OPCML: variants seen among roughly 807,000 people sequenced by gnomAD.
OPCML encodes opioid-binding protein/cell adhesion molecule.
OPCML carries 13 observed loss-of-function variants against 37.8 expected under a neutral mutation model. The observed-to-expected ratio is 0.34, with a 90% CI of 0.22 to 0.55. OPCML has a LOEUF of 0.55. Among genes scored for constraint, OPCML ranks in the 20% least tolerant of loss-of-function variants. The pLI, the probability that OPCML is intolerant of heterozygous loss-of-function variation, is 0.91. For missense variants in OPCML, 341 were observed against 435.6 expected (o/e 0.78, Z 1.93); for synonymous variants, 176 against 168.8 (o/e 1.04, Z -0.33).
intron 1 of OPCML, among the ~76,000 whole-genome samples, chr11:132,979,202 G>T (rs537746856): frequency 6.6e-6 from 1 of 152,054 alleles, no homozygotes; most frequent in African/African-American, 2.4e-5. Context: ...GGATCACTCC[G>T]CACTTTCTGC....
At chr11:132,792,089 A>G (rs1937954211) in intron 2 of OPCML, among the ~76,000 whole-genome samples, 1 of 152,240 alleles carries the variant, frequency 6.6e-6, no homozygotes, top group African/African-American at 2.4e-5. Context: ...ATAAAAGTAC[A>G]ATGGGAGGAA....
intron 4 of OPCML, among the ~76,000 whole-genome samples, chr11:132,514,953 G>C (rs2096276558): frequency 6.6e-6 from 1 of 152,146 alleles, no homozygotes; most frequent in Non-Finnish European, 1.5e-5. Context: ...TGTAATTACT[G>C]CACCAGGCTC....
chr11:132,494,711 G>T (rs2096225908), intron 4 of OPCML, among the ~76,000 whole-genome samples: 1 of 152,134 alleles, frequency 6.6e-6, no homozygotes, highest in African/African-American at 2.4e-5. Flanking sequence ...CTGTAAGAGG[G>T]TGCCAAACAA....
At chr11:132,729,793 T>C (rs1345175138) in intron 2 of OPCML, among the ~76,000 whole-genome samples, 5 of 152,114 alleles carry the variant, frequency 3.3e-5, no homozygotes. Context: ...GTGAGAACAG[T>C]TGTCAGGAGA....
chr11:133,164,068 T>A (rs373916360), intron 1 of OPCML, among the ~76,000 whole-genome samples: 1 of 152,228 alleles, frequency 6.6e-6, no homozygotes, highest in Non-Finnish European at 1.5e-5. Context: ...GGGCAGGGCT[T>A]TGAAGCCACC....
chr11:133,359,153 T>C (rs1029713479), intron 1 of OPCML, among the ~76,000 whole-genome samples: 17 of 152,228 alleles, frequency 1.1e-4, no homozygotes, highest in Admixed American at 1.1e-3. Context: ...TCGCTTGCTA[T>C]TCCCTATAAA....
intron 1 of OPCML, among the ~76,000 whole-genome samples, chr11:133,082,869 C>A (rs1948756138): frequency 6.7e-6 from 1 of 150,064 alleles, no homozygotes; most frequent in African/African-American, 2.4e-5. Context: ...CCCCTCCGAG[C>A]CGACCTCGTC....
intron 2 of OPCML, among the ~76,000 whole-genome samples, chr11:132,674,701 T>C (rs532081740): frequency 1.2e-3 from 176 of 152,274 alleles, no homozygotes; most frequent in Non-Finnish European, 1.8e-3. Flanking sequence ...TCACATTATA[T>C]AAGTGATTCA....
At chr11:132,582,615 T>C (rs1205543287) in intron 3 of OPCML, among the ~76,000 whole-genome samples, 1 of 152,054 alleles carries the variant, frequency 6.6e-6, no homozygotes, top group Admixed American at 6.6e-5. Flanking sequence ...AAAGATAAGA[T>C]ACAAGAAAAT....
intron 1 of OPCML, among the ~76,000 whole-genome samples, chr11:132,983,870 A>G (rs1399991822): frequency 6.6e-6 from 1 of 152,220 alleles, no homozygotes; most frequent in Non-Finnish European, 1.5e-5. Context: ...GAAGAAAAAC[A>G]AAGAAAGAGA....
chr11:132,942,355 G>A (rs1354080271), intron 2 of OPCML, among the ~76,000 whole-genome samples: 1 of 152,170 alleles, frequency 6.6e-6, no homozygotes, highest in Non-Finnish European at 1.5e-5. Flanking sequence ...GACCCAGTCT[G>A]CAAAAATAAA....
At chr11:132,498,262 A>G (rs182801493) in intron 4 of OPCML, among the ~76,000 whole-genome samples, 157 of 152,354 alleles carry the variant, frequency 1.0e-3, no homozygotes, top group Admixed American at 3.2e-3. Flanking sequence ...TGAAGATTTT[A>G]CAGAGTTAAT....
chr11:132,931,826 C>T (rs138184919), intron 2 of OPCML, among the ~76,000 whole-genome samples: 1 of 152,290 alleles, frequency 6.6e-6, no homozygotes, highest in East Asian at 1.9e-4. Flanking sequence ...GATATTTGTA[C>T]ACCTAGGTTC....
At chr11:132,804,913 T>A (rs539997831) in intron 2 of OPCML, among the ~76,000 whole-genome samples, 1 of 152,308 alleles carries the variant, frequency 6.6e-6, no homozygotes, top group African/African-American at 2.4e-5. Context: ...GATCTAGCCT[T>A]AAGAATAAAA....
chr11:132,591,663 A>G (rs1363145256), intron 3 of OPCML, among the ~76,000 whole-genome samples: 1 of 152,210 alleles, frequency 6.6e-6, no homozygotes, highest in Non-Finnish European at 1.5e-5. Context: ...AAATGGTAAC[A>G]GTGAGGATTC....
intron 1 of OPCML, among the ~76,000 whole-genome samples, chr11:133,528,768 G>A (rs893763386): frequency 2.0e-5 from 3 of 152,188 alleles, no homozygotes; most frequent in African/African-American, 4.8e-5. Flanking sequence ...ACAGATCAGC[G>A]CATGAAGACA....
chr11:133,507,890 T>C (rs1044050224), intron 1 of OPCML, among the ~76,000 whole-genome samples: 1 of 149,032 alleles, frequency 6.7e-6, no homozygotes, highest in Non-Finnish European at 1.5e-5. Flanking sequence ...GAGGTTGCAG[T>C]GAGCTGAGAT....
At position 133,083,036 on chromosome 11, in the gene OPCML, A is replaced by C. The variant is rs867583091; in HGVS notation, c.62-140026T>G. On this transcript the variant is annotated intron_variant, in intron 1 of 7. Coordinates refer to ENST00000524381, the MANE Select transcript of OPCML (RefSeq NM_001012393.5). ...CGCGGCGGACGCCCCAGCCGAGCCCAGCCACTGCCTGGTGGAGCCACAGGG... is the reference window on the plus strand; with the variant it reads ...CGCGGCGGACGCCCCAGCCGAGCCCCGCCACTGCCTGGTGGAGCCACAGGG... 2.7e-5 allele frequency among the ~76,000 whole-genome samples: 4 copies of C among 148,678 alleles called. No homozygotes were observed. The South Asian group carries it at 8.5e-4, about 32-fold the overall frequency.
chr11:132,668,373 T>C (rs1410269487), intron 2 of OPCML, among the ~76,000 whole-genome samples: 1 of 152,226 alleles, frequency 6.6e-6, no homozygotes, highest in East Asian at 1.9e-4. Flanking sequence ...TGGACAGATG[T>C]GGGCTCTGCC....
Sources: allele counts gnomAD v4.1 joint callset (sites outside exome capture counted in the v4.1 genomes callset), GRCh38; gene constraint gnomAD v4.1.1; transcripts MANE v1.5; gene names NCBI Gene and HGNC (gene_info 2026-07-23, HGNC 2026-07-21).